PPL: variants seen among roughly 807,000 people sequenced by gnomAD.
PPL encodes the protein periplakin.
PPL carries 198 observed loss-of-function variants against 194.4 expected under a neutral mutation model. The observed-to-expected ratio is 1.02, with a 90% CI of 0.91 to 1.15. PPL has a LOEUF of 1.15. PPL is among the 50% of genes most tolerant of loss of function. The pLI is 0.00. For synonymous variants in PPL, 1,220 were observed against 972.4 expected (o/e 1.25, Z -4.74); for missense variants, 2,885 against 2,294.8 (o/e 1.26, Z -5.25).
chr16:4,897,572 C>G, intron 9 of PPL, 103 bp downstream of exon 9: 2 of 897,566 alleles, frequency 2.2e-6, no homozygotes. Context: ...CGCAAGGCTC[C>G]TGGACCAAGG....
Position 4,884,896 on chromosome 16 carries a change from C to T in PPL, c.3759G>A (p.Glu1253=). 2 of 1,614,150 alleles carry T rather than the reference C, an allele frequency of 1.2e-6. No homozygotes were observed. The highest frequency in any genetic ancestry group is 1.7e-6 in the Non-Finnish European group (2 of 1,180,030). Residue 1253 remains glutamate (E), a synonymous_variant, in exon 22 of 22, where the codon GAG becomes GAA. Coordinates refer to ENST00000345988, the MANE Select transcript of PPL (RefSeq NM_002705.5). The surrounding 1 kb of genome is among the most constrained non-coding windows in gnomAD (Gnocchi z 5.7). The part of the protein sequence containing the change: ...EMEKELQRLR[E]EIVDKTRLIE... ...TCAGTCTGGTCTTGTCCACGATCTCCTCCCTGAGCCGCTGAAGCTCCTTCT... is the reference window on the plus strand; with the variant it reads ...TCAGTCTGGTCTTGTCCACGATCTCTTCCCTGAGCCGCTGAAGCTCCTTCT...
intron 14 of PPL, chr16:4,892,979 C>T (rs938659853): frequency 2.1e-6 from 1 of 485,528 alleles, no homozygotes; most frequent in South Asian, 4.7e-5. Flanking sequence ...GGCGTCAGAT[C>T]GACAAGCCGT....
intron 14 of PPL, 49 bp downstream of exon 14, chr16:4,893,164 C>T (rs1245859826): frequency 6.9e-7 from 1 of 1,457,948 alleles, no homozygotes; most frequent in Non-Finnish European, 9.0e-7. Flanking sequence ...CCCCAGGGGG[C>T]CAGTGCAGGG....
intron 19 of PPL, 124 bp from the exon 20 acceptor site, chr16:4,888,342 G>T: frequency 1.5e-6 from 1 of 682,316 alleles, no homozygotes; most frequent in Non-Finnish European, 2.6e-6. Context: ...TATAATCTGC[G>T]TGGGTCTTCC....
In PPL at chr16:4,903,960, C is replaced by T; in HGVS notation, c.243G>A (p.Leu81=). 1 of 1,614,046 alleles carries T rather than the reference C, an allele frequency of 6.2e-7. No individual in the cohort carries two copies. The highest frequency in any genetic ancestry group is 8.5e-7 in the Non-Finnish European group (1 of 1,180,044). ...TLQKVLDSEK[L]LYVLEADAAI... ...CCGCATCCGCCTCTAGCACATAGAG[C>T]AGCTTCTCAGAGTCCAACACCTTCT... Residue 81 remains leucine, a synonymous_variant, in exon 3 of 22, where the codon CTG becomes CTA. Coordinates refer to ENST00000345988, the MANE Select transcript of PPL (RefSeq NM_002705.5).
chr16:4,891,118 C>A (rs530332674), intron 16 of PPL, among the ~76,000 whole-genome samples, 197 bp from the exon 17 acceptor site: 1 of 152,348 alleles, frequency 6.6e-6, no homozygotes, highest in East Asian at 1.9e-4. Flanking sequence ...ATGAACAAAG[C>A]CCTGAAAAGC....
rs185337546 is a variant in PPL at position 4,893,585 on chromosome 16, G to A, written c.1448C>T (p.Thr483Met). The A allele has an allele frequency of 1.6e-5, 26 of 1,611,326 alleles. No homozygotes were observed. Among genetic ancestry groups the A allele is most frequent in the Admixed American group, 1.5e-4 (9 of 59,938 alleles). Residue 483 changes from threonine to methionine, a missense_variant, in exon 13 of 22, where the codon ACG becomes ATG. By Grantham distance (81) the Thr-to-Met change is moderately conservative (BLOSUM62 -1). Coordinates refer to ENST00000345988, the MANE Select transcript of PPL (RefSeq NM_002705.5). ...VRQKAAGSKR[T>M]LQQRYEVLKT... ...CAGCACCTCATACCGCTGCTGCAGC[G>A]TGCGTTTGCTCCCAGCTGCCTTCTG...
Position 4,893,634 on chromosome 16 carries a change from C to G in PPL, c.1399G>C (p.Gly467Arg). The change falls in exon 13 of 22, where the codon GGC becomes CGC. Residue 467 changes from glycine to arginine, a missense_variant. Gly to Arg is a moderately radical substitution (Grantham distance 125). Coordinates refer to ENST00000345988, the MANE Select transcript of PPL (RefSeq NM_002705.5). ...TGCCGCACGCTCCGGTACTGGCTGC[C>G]CAGGCTGTGAGGACAGAAATGAGCT... ...PEALALADSL[G>R]SQYRSVRQKA... 1.3e-6 allele frequency: 2 copies of G among 1,586,822 alleles called. No individual in the cohort carries two copies. The highest frequency in any genetic ancestry group is 1.7e-6 in the Non-Finnish European group (2 of 1,169,922).
At chr16:4,893,698 G>A in intron 12 of PPL, 60 bp from the exon 13 acceptor site, 1 of 1,431,760 alleles carries the variant, frequency 7.0e-7, no homozygotes, top group Non-Finnish European at 9.5e-7. Flanking sequence ...CACCCACAGA[G>A]GCGGGACTGC....
At chr16:4,932,201 C>A (rs537164970) in intron 1 of PPL, among the ~76,000 whole-genome samples, 2 of 152,178 alleles carry the variant, frequency 1.3e-5, no homozygotes, top group African/African-American at 4.8e-5. Context: ...ATGGCAGGCC[C>A]GCTGTCAGAA....
chr16:4,893,892 T>C, intron 12 of PPL: 1 of 556,284 alleles, frequency 1.8e-6, no homozygotes, highest in Non-Finnish European at 3.2e-6. Flanking sequence ...CACCAAGATG[T>C]TACTTCTGAG....
At chr16:4,897,907 G>A in intron 8 of PPL, 137 bp from the exon 9 acceptor site, 1 of 660,364 alleles carries the variant, frequency 1.5e-6, no homozygotes, top group Non-Finnish European at 2.6e-6. Flanking sequence ...TACCACAGGG[G>A]TAGCCAGCTT....
Position 4,884,812 on chromosome 16 carries a change from G to A in PPL, c.3843C>T (p.Asp1281=), listed in dbSNP as rs2088183128. ...CTTTGGTCTGGACCTGGGGTTTGGT[G>A]TCTTTCAGGGCCTGGATTTCCTTTT... is the stretch of plus-strand genomic sequence containing the variant. The part of the protein sequence containing the change: ...QLKKEIQALK[D]TKPQVQTKEV... Residue 1281 remains aspartate, a synonymous_variant, in exon 22 of 22, where the codon GAC becomes GAT. Coordinates refer to ENST00000345988, the MANE Select transcript of PPL (RefSeq NM_002705.5). This position sits in a 1 kb window ranked among gnomAD's most constrained non-coding sequence, Gnocchi z 5.7. 2 of 1,614,006 alleles carry A rather than the reference G, an allele frequency of 1.2e-6. No homozygotes were observed.
chr16:4,890,224 T>A lies in PPL; in HGVS notation c.2273A>T (p.Asp758Val). ...SIPSYEPQET[D>V]SLSQMETKLK... The stretch of plus-strand genomic sequence containing the variant: ...CTTGGTCTCCATCTGGCTGAGGCTG[T>A]CTGTCTCCTGGGGCTCGTAACTGGG... The change falls in exon 18 of 22, where the codon GAC (aspartate) becomes GTC (valine). Residue 758 changes from aspartate to valine, a missense_variant. Asp to Val is a radical substitution (Grantham distance 152). Coordinates refer to ENST00000345988, the MANE Select transcript of PPL (RefSeq NM_002705.5). 6.2e-7 allele frequency: 1 copy of A among 1,614,180 alleles called. No individual in the cohort carries two copies. Among genetic ancestry groups the A allele is most frequent in the Non-Finnish European group, 8.5e-7 (1 of 1,180,032 alleles).
intron 19 of PPL, chr16:4,888,623 C>T: frequency 3.0e-6 from 1 of 334,022 alleles, no homozygotes. Context: ...ATTCACGCAG[C>T]TTTCCCCTTC....
chr16:4,887,685 C>G (rs1302696451), intron 20 of PPL, among the ~76,000 whole-genome samples: 1 of 152,172 alleles, frequency 6.6e-6, no homozygotes, highest in Non-Finnish European at 1.5e-5. Flanking sequence ...TCACTGCAGC[C>G]TTGAACTCCT....
Position 4,882,865 on chromosome 16 carries a change from G to A in PPL, c.*519C>T, listed in dbSNP as rs2088126120. On this transcript the variant is annotated 3_prime_UTR_variant, in exon 22 of 22. Coordinates refer to ENST00000345988, the MANE Select transcript of PPL (RefSeq NM_002705.5). ...CTTTCCTGGCTTGGAGCCCAGATCT[G>A]TCTCATGAGCAGAGTAACTACTGAG... 1.9e-5 allele frequency: 3 copies of A among 161,642 alleles called. No individual in the cohort carries two copies. Among genetic ancestry groups the A allele is most frequent in the South Asian group, 3.5e-4 (2 of 5,678 alleles). 10.0% of individuals were successfully genotyped at this position (161,642 alleles called of 1,614,324 possible).
chr16:4,908,032 C>A (rs536923585), intron 2 of PPL, among the ~76,000 whole-genome samples: 1 of 151,694 alleles, frequency 6.6e-6, no homozygotes, highest in African/African-American at 2.4e-5. Flanking sequence ...CGTGGTGGTG[C>A]CTGCCTGTGG....
chr16:4,883,866 G>A lies in PPL; in HGVS notation c.4789C>T (p.Arg1597Trp), dbSNP rs769922844. 8.1e-6 allele frequency: 13 copies of A among 1,613,828 alleles called. No individual in the cohort carries two copies. The highest frequency in any genetic ancestry group is 2.2e-5 in the East Asian group (1 of 44,892). ...NMAATETRDL[R>W]NMTVADSGTN... is the part of the protein sequence containing the mutation. ...CCAGAGTCCGCCACGGTCATGTTCC[G>A]CAGGTCTCGTGTTTCCGTCGCTGCC... The change falls in exon 22 of 22, where the codon CGG becomes TGG. Residue 1597 changes from arginine (R) to tryptophan (W), a missense_variant. Transcript: ENST00000345988. The surrounding 1 kb of genome is among the most constrained non-coding windows in gnomAD (Gnocchi z 4.8).
Sources: allele counts gnomAD v4.1 joint callset (sites outside exome capture counted in the v4.1 genomes callset), GRCh38; gene constraint gnomAD v4.1.1; non-coding constraint Gnocchi (gnomAD v3.1); transcripts MANE v1.5; gene names NCBI Gene and HGNC (gene_info 2026-07-23, HGNC 2026-07-21).